The following BANP variants were observed in gnomAD, a reference collection of about 807,000 sequenced individuals.
BANP encodes BTG3 associated nuclear protein, also known as protein BANP.
In BANP, 11 loss-of-function variants were observed where a neutral mutation model predicts 68.1. That is an observed-to-expected ratio of 0.16 (90% CI 0.10 to 0.27). The LOEUF is 0.27. Among genes scored for constraint, BANP ranks in the 10% least tolerant of loss-of-function variants. The pLI is 1.00. For synonymous variants in BANP, 329 were observed against 303.2 expected (o/e 1.09, Z -0.88); for missense variants, 504 against 722.7 (o/e 0.70, Z 3.47).
chr16:88,048,820 AG>A (rs2082594255), intron 11 of BANP, among the ~76,000 whole-genome samples: 1 of 152,144 alleles, frequency 6.6e-6, no homozygotes, highest in South Asian at 2.1e-4. Flanking sequence ...GATTAAAGAA[AG>A]GACATCGATT....
chr16:88,002,689 A>G lies in BANP; in HGVS notation c.363-1606A>G, dbSNP rs952952541. Among the ~76,000 whole-genome samples the G allele has an allele frequency of 1.3e-5, 2 of 152,012 alleles. No homozygotes were observed. The highest frequency in any genetic ancestry group is 2.9e-5 in the Non-Finnish European group (2 of 68,024). Reference sequence around the variant, plus strand: ...TGGGAGCTGGTTGTCTTAGAATATGATTTCCTTCACCTTAATAAGGATCTT... The same window carrying G: ...TGGGAGCTGGTTGTCTTAGAATATGGTTTCCTTCACCTTAATAAGGATCTT... On this transcript the variant is annotated intron_variant, in intron 4 of 13. Transcript: ENST00000682872. This position sits in a 1 kb window ranked among gnomAD's most constrained non-coding sequence, Gnocchi z 4.6.
intron 11 of BANP, among the ~76,000 whole-genome samples, chr16:88,059,151 G>C (rs1434909436): frequency 6.7e-6 from 1 of 150,292 alleles, no homozygotes; most frequent in Non-Finnish European, 1.5e-5. Context: ...CCGTGCTCCT[G>C]CTGGTGTGCT....
intron 11 of BANP, among the ~76,000 whole-genome samples, chr16:88,044,716 G>A (rs2081569677): frequency 1.3e-5 from 2 of 152,250 alleles, no homozygotes; most frequent in South Asian, 2.1e-4. Flanking sequence ...GGGCACGGTG[G>A]CTCACGCCTG....
Position 88,017,881 on chromosome 16 carries a change from C to T in BANP, c.656-547C>T, listed in dbSNP as rs535592430. On this transcript the variant is annotated intron_variant, in intron 6 of 13. Transcript: ENST00000682872. ...ATTGTAACTGCCCTGAGAATGCTGG[C>T]GTCAAGGGCATGCTGTGACTTACAC... Among the ~76,000 whole-genome samples the T allele has an allele frequency of 3.9e-5, 6 of 152,346 alleles. No individual in the cohort carries two copies. The South Asian group carries it at 1.0e-3, about 26-fold the overall frequency.
At chr16:88,072,650 C>T (rs1312589466) in intron 13 of BANP, among the ~76,000 whole-genome samples, 2 of 152,270 alleles carry the variant, frequency 1.3e-5, no homozygotes, top group Non-Finnish European at 2.9e-5. Context: ...CGCAGGGCTG[C>T]TGTGCTCTGT....
chr16:88,017,657 C>G (rs1055499355), intron 6 of BANP, among the ~76,000 whole-genome samples: 15 of 152,296 alleles, frequency 9.8e-5, no homozygotes, highest in Admixed American at 3.3e-4. Flanking sequence ...GCGTCACTGC[C>G]TGGGCAGGCA....
chr16:87,962,257 G>T lies in BANP; in HGVS notation c.-69+10742G>T, dbSNP rs56203398. ...TTGGTCTCAAAAAAAAAAAAAAAAA[G>T]AAAGCACATTTTTTTCCTTTATGTA... On this transcript the variant is annotated intron_variant, in intron 1 of 13. Transcript: ENST00000682872. Among the ~76,000 whole-genome samples the T allele has an allele frequency of 1.6e-5, 2 of 128,810 alleles. 1 individual carries two copies. Among genetic ancestry groups the T allele is most frequent in the Non-Finnish European group, 3.2e-5 (2 of 62,352 alleles). The allele number at this position is 128,810 out of a possible 152,430, so 84.5% of individuals were successfully genotyped here. A position where few individuals can be genotyped will look rare whatever the true frequency, so the allele number is the denominator to read the frequency against.
rs949394233 is a variant in BANP at position 88,047,213 on chromosome 16, G to A, written c.1311+9202G>A. Reference sequence around the variant, plus strand: ...GCTCCCGGGGCTGCCAGGAGTTTGGGCTTGATGCGGGTCACGTAACGCAGG... The same window carrying A: ...GCTCCCGGGGCTGCCAGGAGTTTGGACTTGATGCGGGTCACGTAACGCAGG... On this transcript the variant is annotated intron_variant, in intron 11 of 13. Coordinates refer to ENST00000682872, the MANE Select transcript of BANP (RefSeq NM_001386991.1). 3.9e-5 allele frequency among the ~76,000 whole-genome samples: 6 copies of A among 152,196 alleles called. No homozygotes were observed. The East Asian group carries it at 9.6e-4, about 24-fold the overall frequency.
chr16:88,061,244 G>A (rs1185468826), intron 11 of BANP, among the ~76,000 whole-genome samples: 2 of 152,146 alleles, frequency 1.3e-5, no homozygotes, highest in Non-Finnish European at 2.9e-5. Context: ...GGGGCATCTT[G>A]CCATCGCTCT....
chr16:88,038,134 G>A (rs1416811153), intron 11 of BANP, 123 bp downstream of exon 11: 5 of 836,486 alleles, frequency 6.0e-6, no homozygotes, highest in Non-Finnish European at 9.6e-6. Flanking sequence ...GCATTGCGCT[G>A]CCGAGGGGTG....
chr16:87,989,600 G>T (rs559352394), intron 4 of BANP, among the ~76,000 whole-genome samples: 3 of 145,692 alleles, frequency 2.1e-5, no homozygotes, highest in African/African-American at 7.6e-5. Flanking sequence ...GGTGACGGGG[G>T]ATGCAGGCCC....
chr16:87,981,140 C>T lies in BANP; in HGVS notation c.162+13C>T, dbSNP rs1304171186. The T allele has an allele frequency of 6.2e-7, 1 of 1,601,798 alleles. No homozygotes were observed. Among genetic ancestry groups the T allele is most frequent in the South Asian group, 1.1e-5 (1 of 90,840 alleles). On this transcript the variant is annotated intron_variant, in intron 3 of 13. Coordinates refer to ENST00000682872, the MANE Select transcript of BANP (RefSeq NM_001386991.1). ...TCCATCTATAAAGGTAAAAATCTGA[C>T]TCTGTTCTGTGGTGTGTAGTGCGTT...
At chr16:88,041,904 C>G (rs1031538534) in intron 11 of BANP, among the ~76,000 whole-genome samples, 2 of 152,180 alleles carry the variant, frequency 1.3e-5, no homozygotes, top group East Asian at 3.9e-4. Context: ...TGCGCAAGAA[C>G]CACAGAGCCT....
rs1399268321 is a variant in BANP at position 88,076,701 on chromosome 16, C to T, written c.*40C>T. Reference sequence around the variant, plus strand: ...ACCAGGAGCCCCTCGCCGGCTCCGCCTACGGCCCGGCCCCCACGCGCCCTG... The same window carrying T: ...ACCAGGAGCCCCTCGCCGGCTCCGCTTACGGCCCGGCCCCCACGCGCCCTG... On this transcript the variant is annotated 3_prime_UTR_variant, in exon 14 of 14. Transcript: ENST00000682872. 6.4e-7 allele frequency: 1 copy of T among 1,560,556 alleles called. No homozygotes were observed. Among genetic ancestry groups the T allele is most frequent in the Non-Finnish European group, 8.7e-7 (1 of 1,149,484 alleles).
At chr16:87,996,912 G>A (rs1427203397) in intron 4 of BANP, among the ~76,000 whole-genome samples, 1 of 152,114 alleles carries the variant, frequency 6.6e-6, no homozygotes, top group East Asian at 1.9e-4. Context: ...TTGGTGGCTG[G>A]TTTTGCATGT....
intron 2 of BANP, chr16:87,978,786 A>G (rs1362372052): frequency 3.1e-5 from 12 of 388,484 alleles, no homozygotes; most frequent in Non-Finnish European, 5.3e-5. Flanking sequence ...TAACACGCTA[A>G]GTGATAGAAC....
At chr16:88,005,610 G>A (rs1173837336) in intron 5 of BANP, among the ~76,000 whole-genome samples, 6 of 152,212 alleles carry the variant, frequency 3.9e-5, no homozygotes, top group African/African-American at 9.6e-5. Context: ...TTTAAGCCCC[G>A]TCAGGGTTTT....
At chr16:87,959,192 G>A (rs1344984640) in intron 1 of BANP, among the ~76,000 whole-genome samples, 1 of 152,236 alleles carries the variant, frequency 6.6e-6, no homozygotes, top group Non-Finnish European at 1.5e-5. Flanking sequence ...GAAGCCGCTC[G>A]ACTCTGCTGT....
chr16:88,020,484 G>A (rs1371055159), intron 7 of BANP, among the ~76,000 whole-genome samples: 1 of 152,262 alleles, frequency 6.6e-6, no homozygotes, highest in East Asian at 1.9e-4. Context: ...ATAGACGAAT[G>A]AGAAATGGCC....
Sources: allele counts gnomAD v4.1 joint callset (sites outside exome capture counted in the v4.1 genomes callset), GRCh38; gene constraint gnomAD v4.1.1; non-coding constraint Gnocchi (gnomAD v3.1); transcripts MANE v1.5; gene names NCBI Gene and HGNC (gene_info 2026-07-23, HGNC 2026-07-21).